The following PSMD13 variants were observed in gnomAD, a reference collection of about 807,000 sequenced individuals.
PSMD13 encodes the protein 26S proteasome non-ATPase regulatory subunit 13.
A neutral mutation model predicts 57.4 loss-of-function variants in PSMD13; 8 were observed. The ratio of observed to expected loss-of-function variants is 0.14; its 90% confidence interval spans 0.08 to 0.25. The LOEUF is 0.25. Among genes scored for constraint, PSMD13 ranks in the 10% least tolerant of loss-of-function variants. PSMD13 has a pLI of 1.00. For missense variants in PSMD13, 400 were observed against 461.5 expected, an observed-to-expected ratio of 0.87 and a Z score of 1.22; for synonymous variants, 193 against 168.2, an observed-to-expected ratio of 1.15 and a Z score of -1.14.
chr11:248,036 C>CCATGACTGTAGGAAGT (rs1859690609), intron 7 of PSMD13: 3 of 151,820 alleles, frequency 2.0e-5, no homozygotes, highest in African/African-American at 7.3e-5. Flanking sequence ...TTGTAGGAAG[C>CCATGACTGTAGGAAGT]ACCATGACGC....
At chr11:247,634 C>G (rs1859679824) in intron 7 of PSMD13, 186 bp downstream of exon 7, 1 of 518,356 alleles carries the variant, frequency 1.9e-6, no homozygotes, top group South Asian at 2.6e-5. Flanking sequence ...GAGTTCGAGA[C>G]CAGCCTGGCC....
rs199600025 is a variant in PSMD13 at position 237,161 on chromosome 11, C to G, written c.95+17C>G. On this transcript the variant is annotated intron_variant, in intron 1 of 12. Coordinates refer to ENST00000532097, the MANE Select transcript of PSMD13 (RefSeq NM_002817.4). Reference sequence around the variant, plus strand: ...CACGAAGAAGTGAGCGCCGAGCAGACGGGCCCTGGGCCCCGGCGATAGAGG... The same window carrying G: ...CACGAAGAAGTGAGCGCCGAGCAGAGGGGCCCTGGGCCCCGGCGATAGAGG... 3,776 of 1,603,930 alleles carry G rather than the reference C, an allele frequency of 2.4e-3. 32 individuals are homozygous for G. The highest frequency in any genetic ancestry group is 0.014 in the South Asian group (1,223 of 90,502).
chr11:252,211 TC>T lies in PSMD13; in HGVS notation c.1035+277del. On this transcript the variant is annotated intron_variant, in intron 12 of 12. Coordinates refer to ENST00000532097, the MANE Select transcript of PSMD13 (RefSeq NM_002817.4). This position sits in a 1 kb window ranked among gnomAD's most constrained non-coding sequence, Gnocchi z 4.1. ...AGATAGGAGCTCTGATCAGATACGT[TC>T]CTGGTTCTGTGATTTGAGCTCACGT... 1 of 517,850 alleles carries T rather than the reference TC, an allele frequency of 1.9e-6. No individual in the cohort carries two copies. The highest frequency in any genetic ancestry group is 3.5e-6 in the Non-Finnish European group (1 of 287,618). 32.1% of individuals were successfully genotyped at this position (517,850 alleles called of 1,614,324 possible).
chr11:249,318 G>C (rs1441285461), intron 9 of PSMD13, among the ~76,000 whole-genome samples: 1 of 152,062 alleles, frequency 6.6e-6, no homozygotes, highest in African/African-American at 2.4e-5. Flanking sequence ...TGGGTGGAGG[G>C]GGTGTCACAG....
intron 9 of PSMD13, 146 bp downstream of exon 9, chr11:249,203 G>C (rs924105596): frequency 3.4e-6 from 4 of 1,186,394 alleles, no homozygotes; most frequent in Non-Finnish European, 4.7e-6. Flanking sequence ...CTCTCATAGA[G>C]CAGAGAGTTA....
At chr11:239,645 C>T (rs1399627389) in intron 2 of PSMD13, among the ~76,000 whole-genome samples, 2 of 152,074 alleles carry the variant, frequency 1.3e-5, no homozygotes, top group South Asian at 2.1e-4. Flanking sequence ...AGGGAGAGTC[C>T]TGTATAGTGT....
chr11:251,533 A>G lies in PSMD13; in HGVS notation c.838-13A>G. The G allele has an allele frequency of 6.2e-7, 1 of 1,602,088 alleles. No individual in the cohort carries two copies. Among genetic ancestry groups the G allele is most frequent in the Non-Finnish European group, 8.5e-7 (1 of 1,171,016 alleles). On this transcript the variant is annotated splice_polypyrimidine_tract_variant and intron_variant, in intron 10 of 12. Transcript: ENST00000532097. This position sits in a 1 kb window ranked among gnomAD's most constrained non-coding sequence, Gnocchi z 4.6. ...GAAAAATAGTTTAAAATAGTTAATA[A>G]AATTTTTTCCAGATGACTTTCACAC...
In PSMD13 at chr11:251,711, A is replaced by T; in HGVS notation, c.918+85A>T. 4 of 1,535,178 alleles carry T rather than the reference A, an allele frequency of 2.6e-6. No homozygotes were observed. On this transcript the variant is annotated intron_variant, in intron 11 of 12. Coordinates refer to ENST00000532097, the MANE Select transcript of PSMD13 (RefSeq NM_002817.4). The surrounding 1 kb of genome is among the most constrained non-coding windows in gnomAD (Gnocchi z 4.6). ...CTCTTGTGTGAGCGCTGTGCTCCCT[A>T]GACAGTAAAAAATGACGGGAGGAGC... is the stretch of plus-strand genomic sequence containing the variant.
Position 252,383 on chromosome 11 carries a change from A to T in PSMD13, c.1036-122A>T. The T allele has an allele frequency of 1.2e-6, 1 of 865,446 alleles. No individual in the cohort carries two copies. The highest frequency in any genetic ancestry group is 1.9e-6 in the Non-Finnish European group (1 of 528,072). 53.6% of individuals were successfully genotyped at this position (865,446 alleles called of 1,614,324 possible). A position where few individuals can be genotyped will look rare whatever the true frequency, so the allele number is the denominator to read the frequency against. The stretch of plus-strand genomic sequence containing the variant: ...CTCCCCCAGCTCAGAGGTCCTTTTT[A>T]CTAGAGCTGCCCTAGAGAGTTAGCT... On this transcript the variant is annotated intron_variant, in intron 12 of 12. Transcript: ENST00000532097. This position sits in a 1 kb window ranked among gnomAD's most constrained non-coding sequence, Gnocchi z 4.1.
intron 6 of PSMD13, among the ~76,000 whole-genome samples, chr11:246,180 G>GT (rs1390905359): frequency 1.3e-5 from 2 of 152,150 alleles, no homozygotes; most frequent in Non-Finnish European, 2.9e-5. Flanking sequence ...TTGTATAAGT[G>GT]TTTCACAACA....
intron 2 of PSMD13, among the ~76,000 whole-genome samples, chr11:241,269 G>T (rs550551754): frequency 6.6e-6 from 1 of 152,196 alleles, no homozygotes; most frequent in East Asian, 1.9e-4. Context: ...CTCCCAAGTA[G>T]CTGGGATTAC....
intron 1 of PSMD13, among the ~76,000 whole-genome samples, chr11:238,619 C>T (rs569995342): frequency 2.6e-5 from 4 of 151,960 alleles, no homozygotes; most frequent in Non-Finnish European, 5.9e-5. Flanking sequence ...TGCAGTGAGC[C>T]GAGATGGCGC....
chr11:249,587 GTGC>G (rs1231529560), intron 9 of PSMD13, among the ~76,000 whole-genome samples: 1 of 98,392 alleles, frequency 1.0e-5, no homozygotes, highest in Non-Finnish European at 2.6e-5. Flanking sequence ...AGAGCGGCGG[GTGC>G]GGGGAGGGGG....
At chr11:238,197 A>C (rs985673619) in intron 1 of PSMD13, among the ~76,000 whole-genome samples, 7 of 152,230 alleles carry the variant, frequency 4.6e-5, no homozygotes. Flanking sequence ...AGGAAACTGA[A>C]GCTCATTTTA....
chr11:239,108 A>G, intron 2 of PSMD13, 32 bp downstream of exon 2: 1 of 1,557,574 alleles, frequency 6.4e-7, no homozygotes, highest in Non-Finnish European at 8.9e-7. Context: ...ATTAGATTAT[A>G]TGAATGTGCT....
chr11:249,795 A>C (rs1347366231), intron 9 of PSMD13, among the ~76,000 whole-genome samples: 1 of 152,190 alleles, frequency 6.6e-6, no homozygotes, highest in Admixed American at 6.5e-5. Flanking sequence ...AAATATTAAT[A>C]AAATGTTAAC....
At chr11:240,653 G>A (rs561513795) in intron 2 of PSMD13, among the ~76,000 whole-genome samples, 2 of 152,092 alleles carry the variant, frequency 1.3e-5, no homozygotes, top group Non-Finnish European at 2.9e-5. Flanking sequence ...AGTGTAAAAT[G>A]GATAGTATTT....
intron 8 of PSMD13, 34 bp downstream of exon 8, chr11:248,889 G>C: frequency 1.2e-6 from 2 of 1,614,180 alleles, no homozygotes. Context: ...TCCTTAACGA[G>C]AGAGACTAAA....
chr11:241,853 A>C (rs1261109587), intron 2 of PSMD13, among the ~76,000 whole-genome samples: 1 of 152,198 alleles, frequency 6.6e-6, no homozygotes, highest in East Asian at 1.9e-4. Flanking sequence ...AGAAATGATC[A>C]TGTGTGTCCT....
Sources: allele counts gnomAD v4.1 joint callset (sites outside exome capture counted in the v4.1 genomes callset), GRCh38; gene constraint gnomAD v4.1.1; non-coding constraint Gnocchi (gnomAD v3.1); transcripts MANE v1.5; gene names NCBI Gene and HGNC (gene_info 2026-07-23, HGNC 2026-07-21).